The following KLF12 variants were observed in gnomAD, a reference collection of about 807,000 sequenced individuals.
The protein encoded by KLF12 is KLF transcription factor 12.
Under a neutral mutation model 37.8 loss-of-function variants are expected in KLF12, and 9 were observed. The ratio of observed to expected loss-of-function variants is 0.24; its 90% confidence interval spans 0.14 to 0.42. The LOEUF is 0.42. Ranked by LOEUF, KLF12 falls within the 10% of genes least tolerant of loss-of-function variation. The pLI is 1.00. For synonymous variants in KLF12, 208 were observed against 202.1 expected (o/e 1.03, Z -0.25); for missense variants, 411 against 516.0 (o/e 0.80, Z 1.97).
the KLF12 span, among the ~76,000 whole-genome samples, chr13:74,214,016 T>C: frequency 6.6e-6 from 1 of 152,222 alleles, no homozygotes; most frequent in African/African-American, 2.4e-5. Context: ...TTATTTATAT[T>C]GCTATGACTA....
intron 5 of KLF12, among the ~76,000 whole-genome samples, chr13:73,766,986 G>T: frequency 6.6e-6 from 1 of 150,956 alleles, no homozygotes; most frequent in East Asian, 1.9e-4. Context: ...CTTTGGAAAA[G>T]AAGTCCTGAT....
chr13:73,699,887 G>A (rs747761098), intron 7 of KLF12, among the ~76,000 whole-genome samples: 10 of 152,080 alleles, frequency 6.6e-5, no homozygotes, highest in Non-Finnish European at 1.5e-4. Flanking sequence ...ATAAACAATC[G>A]TGAAAAACAA....
intron 5 of KLF12, among the ~76,000 whole-genome samples, chr13:73,768,602 G>A (rs999953167): frequency 6.6e-6 from 1 of 152,066 alleles, no homozygotes; most frequent in African/African-American, 2.4e-5. Flanking sequence ...GTACTAAACT[G>A]CACAGTATTT....
chr13:73,957,096 GAAAGGAAAGA>G lies in KLF12; in HGVS notation c.34-13036_34-13027del, dbSNP rs879432652. Among the ~76,000 whole-genome samples, 508 of 106,624 alleles carry G rather than the reference GAAAGGAAAGA, an allele frequency of 4.8e-3. 4 individuals are homozygous for G. The highest frequency in any genetic ancestry group is 7.9e-3 in the Non-Finnish European group (376 of 47,812). The allele number at this position is 106,624 out of a possible 152,430, so 69.9% of individuals were successfully genotyped here. ...GAAAGGAAAGGAAAGGAAAGGAAAG[GAAAGGAAAGA>G]AAGGAAAAGAAAGAAAAGGAAAGGA... On this transcript the variant is annotated intron_variant, in intron 2 of 7. Coordinates refer to ENST00000377669, the MANE Select transcript of KLF12 (RefSeq NM_007249.5).
chr13:73,938,773 T>C (rs1180321573), intron 3 of KLF12, among the ~76,000 whole-genome samples: 1 of 152,188 alleles, frequency 6.6e-6, no homozygotes, highest in Non-Finnish European at 1.5e-5. Context: ...CCTTATCCTC[T>C]TTTGTTCTGC....
the KLF12 span, among the ~76,000 whole-genome samples, chr13:74,249,192 C>A: frequency 6.6e-6 from 1 of 151,684 alleles, no homozygotes; most frequent in South Asian, 2.1e-4. Flanking sequence ...ATAGTAATAT[C>A]CACTTTATAA....
At chr13:74,003,003 T>G (rs535033849) in intron 1 of KLF12, among the ~76,000 whole-genome samples, 2 of 152,366 alleles carry the variant, frequency 1.3e-5, no homozygotes, top group South Asian at 4.1e-4. Flanking sequence ...TGGTTAACAA[T>G]GACTAGGTAC....
intron 6 of KLF12, among the ~76,000 whole-genome samples, chr13:73,746,809 C>CTTTTTTT (rs1566338130): frequency 8.4e-6 from 1 of 119,184 alleles, no homozygotes; most frequent in African/African-American, 3.9e-5. Flanking sequence ...CTCCCTCCCT[C>CTTTTTTT]CTTTTTTTTT....
At chr13:73,957,606 G>A (rs1443423010) in intron 2 of KLF12, among the ~76,000 whole-genome samples, 1 of 152,106 alleles carries the variant, frequency 6.6e-6, no homozygotes, top group African/African-American at 2.4e-5. Flanking sequence ...ACATCAGATT[G>A]GCTGGATAAG....
At chr13:74,249,500 C>T in the KLF12 span, among the ~76,000 whole-genome samples, 1 of 151,946 alleles carries the variant, frequency 6.6e-6, no homozygotes, top group Middle Eastern at 3.2e-3. Context: ...CAGGGATTCT[C>T]ACAAACATCT....
intron 3 of KLF12, among the ~76,000 whole-genome samples, chr13:73,936,343 G>A (rs79717005): frequency 0.016 from 2,469 of 152,162 alleles, 54 homozygotes; most frequent in African/African-American, 0.057. Flanking sequence ...CCAGGACTCA[G>A]GGCCACTAAG....
At chr13:74,135,618 C>A (rs1053759169), upstream of KLF12, among the ~76,000 whole-genome samples, 13 of 151,288 alleles carry the variant, frequency 8.6e-5, no homozygotes, top group East Asian at 2.6e-3. Context: ...GCGCGGCGGA[C>A]GGAGGCGGGA....
At chr13:74,261,986 G>A in the KLF12 span, among the ~76,000 whole-genome samples, 3 of 152,252 alleles carry the variant, frequency 2.0e-5, no homozygotes, top group African/African-American at 2.4e-5. Context: ...GTGCTGTCCC[G>A]AGCTGAGTGT....
the KLF12 span, among the ~76,000 whole-genome samples, chr13:74,285,180 A>AT: frequency 4.8e-3 from 700 of 144,892 alleles, 5 homozygotes; most frequent in African/African-American, 0.014. Flanking sequence ...GCCCTACCTG[A>AT]TTTTTTTTTT....
chr13:73,824,440 A>T (rs1443228497), intron 4 of KLF12, among the ~76,000 whole-genome samples: 3 of 152,076 alleles, frequency 2.0e-5, no homozygotes, highest in African/African-American at 7.2e-5. Flanking sequence ...ATGAAATATA[A>T]TTTTTCTTTT....
chr13:73,828,802 C>T (rs1324442683), intron 4 of KLF12, among the ~76,000 whole-genome samples: 1 of 151,792 alleles, frequency 6.6e-6, no homozygotes, highest in Non-Finnish European at 1.5e-5. Context: ...TTCATTTCCG[C>T]TTCTTTTAAG....
intron 1 of KLF12, among the ~76,000 whole-genome samples, chr13:74,118,672 C>G (rs765145199): frequency 1.3e-5 from 2 of 152,052 alleles, no homozygotes; most frequent in Non-Finnish European, 2.9e-5. Context: ...AAAACTGATA[C>G]GAAAATGGAA....
chr13:73,790,389 T>C (rs1355260509), intron 5 of KLF12, among the ~76,000 whole-genome samples: 5 of 152,214 alleles, frequency 3.3e-5, no homozygotes, highest in African/African-American at 1.2e-4. Flanking sequence ...TACATCAGTC[T>C]GCTTTGGCCA....
At chr13:73,721,883 T>C (rs942567782) in intron 6 of KLF12, among the ~76,000 whole-genome samples, 1 of 152,184 alleles carries the variant, frequency 6.6e-6, no homozygotes, top group African/African-American at 2.4e-5. Flanking sequence ...TTATAAACTA[T>C]GTATTTCCAA....
Sources: gnomAD v4.1 joint callset for allele counts (sites outside exome capture counted in the v4.1 genomes callset) on GRCh38, gnomAD v4.1.1 for gene constraint, MANE v1.5 for transcripts, NCBI Gene and HGNC (gene_info 2026-07-23, HGNC 2026-07-21) for gene names.